The following HRK variants were observed in gnomAD, a reference collection of about 807,000 sequenced individuals.
HRK encodes activator of apoptosis harakiri.
A neutral mutation model predicts 5.9 loss-of-function variants in HRK; 6 were observed. The observed-to-expected ratio is 1.02, with a 90% CI of 0.56 to 2.01. HRK has a LOEUF of 2.01. Among genes scored for constraint, HRK ranks in the 30% most tolerant of loss-of-function variants. The pLI is 0.00. For missense variants in HRK, 133 were observed against 128.3 expected, an observed-to-expected ratio of 1.04 and a Z score of -0.18; for synonymous variants, 85 against 65.1, an observed-to-expected ratio of 1.31 and a Z score of -1.47.
At chr12:116,872,752 G>T (rs1878798688) in intron 1 of HRK, among the ~76,000 whole-genome samples, 2 of 152,056 alleles carry the variant, frequency 1.3e-5, no homozygotes, top group Middle Eastern at 3.4e-3. Context: ...TCCAGCCTGG[G>T]TGACAGAGTA....
At chr12:116,872,216 A>G (rs1345805519) in intron 1 of HRK, among the ~76,000 whole-genome samples, 1 of 152,144 alleles carries the variant, frequency 6.6e-6, no homozygotes, top group Non-Finnish European at 1.5e-5. Flanking sequence ...TAAAAATACA[A>G]AAATTAAGCC....
chr12:116,858,232 C>A lies in HRK; in HGVS notation c.*3291G>T, dbSNP rs1299040575. ...GGAACTGGGGTCTAGGACATGCGCACGGCCTAGGACCATGGACAGCAGCCA... is the reference window on the plus strand; with the variant it reads ...GGAACTGGGGTCTAGGACATGCGCAAGGCCTAGGACCATGGACAGCAGCCA... On this transcript the variant is annotated 3_prime_UTR_variant, in exon 2 of 2. Transcript: ENST00000257572. 6.6e-6 allele frequency: 1 copy of A among 151,154 alleles called. No individual in the cohort carries two copies. The allele number at this position is 151,154 out of a possible 1,614,324, so 9.4% of individuals were successfully genotyped here.
chr12:116,868,298 C>T (rs557304080), intron 1 of HRK, among the ~76,000 whole-genome samples: 1 of 151,808 alleles, frequency 6.6e-6, no homozygotes, highest in Non-Finnish European at 1.5e-5. Context: ...CCACGCAGGT[C>T]AAACAGAACT....
At chr12:116,870,101 A>C (rs1593007254) in intron 1 of HRK, among the ~76,000 whole-genome samples, 1 of 149,858 alleles carries the variant, frequency 6.7e-6, no homozygotes, top group East Asian at 2.0e-4. Flanking sequence ...CACACACACA[A>C]AACAGAAAAT....
chr12:116,875,286 C>T (rs1336906073), intron 1 of HRK, among the ~76,000 whole-genome samples: 1 of 152,074 alleles, frequency 6.6e-6, no homozygotes, highest in Non-Finnish European at 1.5e-5. Flanking sequence ...AGGGATGGCT[C>T]TAGTTGTTTG....
chr12:116,871,232 C>T (rs1302109771), intron 1 of HRK, among the ~76,000 whole-genome samples: 4 of 150,682 alleles, frequency 2.7e-5, no homozygotes, highest in Admixed American at 6.6e-5. Flanking sequence ...GCTGGGATTA[C>T]AGGTGTGAGC....
At chr12:116,873,868 G>C (rs1453939104) in intron 1 of HRK, among the ~76,000 whole-genome samples, 2 of 152,140 alleles carry the variant, frequency 1.3e-5, no homozygotes, top group Non-Finnish European at 2.9e-5. Context: ...AGTCGTAAAA[G>C]GATGCAACTT....
rs1263695603 is a variant in HRK, at chr12:116,878,075, T to C, written c.*56+2901A>G. ...GGATTACAGGTGTGCACCACCACGC[T>C]CAGCTAATTTTTGTATTTTTAGTAG... is the stretch of plus-strand genomic sequence containing the variant. On this transcript the variant is annotated intron_variant, in intron 1 of 1. Transcript: ENST00000257572. This position sits in a 1 kb window ranked among gnomAD's most constrained non-coding sequence, Gnocchi z 4.4. 6.6e-6 allele frequency among the ~76,000 whole-genome samples: 1 copy of C among 151,970 alleles called. No individual in the cohort carries two copies. Among genetic ancestry groups the C allele is most frequent in the African/African-American group, 2.4e-5 (1 of 41,364 alleles).
intron 1 of HRK, among the ~76,000 whole-genome samples, chr12:116,866,712 C>A (rs1158397048): frequency 1.3e-5 from 2 of 152,200 alleles, no homozygotes; most frequent in East Asian, 3.9e-4. Flanking sequence ...TGGAGAGAGA[C>A]CTGAGCTCCT....
At chr12:116,864,119 C>T (rs1878456652) in intron 1 of HRK, among the ~76,000 whole-genome samples, 1 of 152,188 alleles carries the variant, frequency 6.6e-6, no homozygotes, top group African/African-American at 2.4e-5. Context: ...TTGATAAATA[C>T]ATTCTAAATT....
At chr12:116,863,886 G>C (rs1878448370) in intron 1 of HRK, among the ~76,000 whole-genome samples, 1 of 151,860 alleles carries the variant, frequency 6.6e-6, no homozygotes, top group Non-Finnish European at 1.5e-5. Context: ...TTTTCTTTTA[G>C]AGACAGGGTC....
chr12:116,864,185 T>C (rs1434157916), intron 1 of HRK, among the ~76,000 whole-genome samples: 1 of 152,218 alleles, frequency 6.6e-6, no homozygotes, highest in East Asian at 1.9e-4. Context: ...TGTCTAGCCA[T>C]AAACCTACAG....
chr12:116,867,753 G>A (rs1878597554), intron 1 of HRK: 2 of 152,204 alleles, frequency 1.3e-5, no homozygotes, highest in Admixed American at 6.5e-5. Context: ...AAAGGATGAG[G>A]AAAACCTTTG....
intron 1 of HRK, among the ~76,000 whole-genome samples, chr12:116,866,471 T>A (rs926264220): frequency 2.0e-5 from 3 of 151,996 alleles, no homozygotes; most frequent in Admixed American, 6.6e-5. Flanking sequence ...CCGGTCCATG[T>A]TATCCCTTAA....
rs2137243797 is a variant in HRK at position 116,863,335 on chromosome 12, T to G, written c.*57-1869A>C. Among the ~76,000 whole-genome samples, 3 of 152,272 alleles carry G rather than the reference T, an allele frequency of 2.0e-5. 1 individual carries two copies. In the South Asian group the frequency reaches 6.2e-4, roughly 32 times the overall value. On this transcript the variant is annotated intron_variant, in intron 1 of 1. Coordinates refer to ENST00000257572, the MANE Select transcript of HRK (RefSeq NM_003806.4). Reference sequence around the variant, plus strand: ...GTTTGTTCCCCAGCTCCCCTCCCACTGGTCAGAGGTTGGCCACAGCCGCTG... The same window carrying G: ...GTTTGTTCCCCAGCTCCCCTCCCACGGGTCAGAGGTTGGCCACAGCCGCTG...
Position 116,878,531 on chromosome 12 carries a change from A to G in HRK, c.*56+2445T>C. On this transcript the variant is annotated intron_variant, in intron 1 of 1. Coordinates refer to ENST00000257572, the MANE Select transcript of HRK (RefSeq NM_003806.4). The surrounding 1 kb of genome is among the most constrained non-coding windows in gnomAD (Gnocchi z 4.4). ...AAAGGCCGGAGCGGCTGGTATTCTG[A>G]GGTCAGATGTAGGCTGCAGGGAGAG... The G allele has an allele frequency of 6.6e-6, 1 of 152,434 alleles. No individual in the cohort carries two copies. The highest frequency in any genetic ancestry group is 1.5e-5 in the Non-Finnish European group (1 of 68,110). The allele number at this position is 152,434 out of a possible 1,614,324, so 9.4% of individuals were successfully genotyped here. A position where few individuals can be genotyped will look rare whatever the true frequency, so the allele number is the denominator to read the frequency against.
Position 116,879,659 on chromosome 12 carries a change from C to G in HRK, c.*56+1317G>C, listed in dbSNP as rs968086768. The G allele has an allele frequency of 6.6e-6, 1 of 152,192 alleles. No individual in the cohort carries two copies. The highest frequency in any genetic ancestry group is 2.4e-5 in the African/African-American group (1 of 41,462). 9.4% of individuals were successfully genotyped at this position (152,192 alleles called of 1,614,324 possible). On this transcript the variant is annotated intron_variant, in intron 1 of 1. Transcript: ENST00000257572. The surrounding 1 kb of genome is among the most constrained non-coding windows in gnomAD (Gnocchi z 5.6). ...GCATTTCTCTTCGCCAGCGCCCGGG[C>G]TGCGCGGGCCCACGCGACATCTGTC...
At chr12:116,865,081 C>T (rs557220812) in intron 1 of HRK, among the ~76,000 whole-genome samples, 32 of 152,204 alleles carry the variant, frequency 2.1e-4, no homozygotes, top group East Asian at 7.7e-4. Context: ...GTCCTGCCTC[C>T]GTGGGCTGCA....
At position 116,880,915 on chromosome 12, in the gene HRK, C is replaced by A. The variant is rs565850899; in HGVS notation, c.*56+61G>T. ...ACTTGCCACTCTCCCGCTCCCGGGC[C>A]AGCCCAGCGTCTCCAGTGCCCAGCT... On this transcript the variant is annotated intron_variant, in intron 1 of 1. Coordinates refer to ENST00000257572, the MANE Select transcript of HRK (RefSeq NM_003806.4). 81 of 716,808 alleles carry A rather than the reference C, an allele frequency of 1.1e-4. 1 individual carries two copies. The African/African-American group carries it at 1.4e-3, about 12-fold the overall frequency. The allele number at this position is 716,808 out of a possible 1,614,324, so 44.4% of individuals were successfully genotyped here. A position where few individuals can be genotyped will look rare whatever the true frequency, so the allele number is the denominator to read the frequency against.
Sources: allele counts gnomAD v4.1 joint callset (sites outside exome capture counted in the v4.1 genomes callset), GRCh38; gene constraint gnomAD v4.1.1; non-coding constraint Gnocchi (gnomAD v3.1); transcripts MANE v1.5; gene names NCBI Gene and HGNC (gene_info 2026-07-23, HGNC 2026-07-21).